Variants in CEBPZOS observed in about 807,000 individuals in gnomAD.
CEBPZOS encodes the protein CEBPZ opposite strand, also known as protein CEBPZOS.
Under a neutral mutation model 4.8 loss-of-function variants are expected in CEBPZOS, and 10 were observed. That is an observed-to-expected ratio of 2.07 (90% CI 1.28 to 3.52). The LOEUF (loss-of-function observed/expected upper bound fraction) is 3.52. Among genes scored for constraint, CEBPZOS ranks in the 30% most tolerant of loss-of-function variants. The pLI, the probability that CEBPZOS is intolerant of heterozygous loss-of-function variation, is 0.00. For synonymous variants in CEBPZOS, 25 were observed against 14.2 expected (o/e 1.77, Z -1.72); for missense variants, 98 against 43.6 (o/e 2.25, Z -3.51).
chr2:37,196,946 CGCGTAG>C (rs1553347187), intron 1 of CEBPZOS, among the ~76,000 whole-genome samples: 14 of 152,212 alleles, frequency 9.2e-5, no homozygotes, highest in Non-Finnish European at 1.8e-4. Flanking sequence ...TGCTTGAAAC[CGCGTAG>C]CCTGCAGACG....
downstream of CEBPZOS, among the ~76,000 whole-genome samples, chr2:37,206,875 C>T (rs1229116695): frequency 2.0e-5 from 3 of 152,080 alleles, no homozygotes; most frequent in Non-Finnish European, 4.4e-5. Context: ...TACATTTGGA[C>T]CACCAACCAA....
downstream of CEBPZOS, among the ~76,000 whole-genome samples, chr2:37,206,151 TGAG>T (rs1677532229): frequency 6.6e-6 from 1 of 152,160 alleles, no homozygotes; most frequent in South Asian, 2.1e-4. Context: ...TCTGCTGTGC[TGAG>T]GAGGAAAATG....
At position 37,201,729 on chromosome 2, in the gene CEBPZOS, AAGT is replaced by A; in HGVS notation, c.*2+6_*2+8del. 1 of 1,203,052 alleles carries A rather than the reference AAGT, an allele frequency of 8.3e-7. No individual in the cohort carries two copies. The highest frequency in any genetic ancestry group is 1.3e-5 in the South Asian group (1 of 77,724). The allele number at this position is 1,203,052 out of a possible 1,614,324, so 74.5% of individuals were successfully genotyped here. A position where few individuals can be genotyped will look rare whatever the true frequency, so the allele number is the denominator to read the frequency against. On this transcript the variant is annotated splice_donor_5th_base_variant and intron_variant, in intron 4 of 4. Transcript: ENST00000402297. Reference sequence around the variant, plus strand: ...TGGTTGAACAGCAAAAATTAGATGTAAGTAGAATTTTAATCTATAATTTACATT... The same window carrying A: ...TGGTTGAACAGCAAAAATTAGATGTAAGAATTTTAATCTATAATTTACATT...
rs1677459324 is a variant in CEBPZOS at position 37,204,515 on chromosome 2, A to ATCTACCTGCCTTGGCC, written c.*2658_*2673dup. ...ATGGTCTTGATCTCTTGACCTTGTG[A>ATCTACCTGCCTTGGCC]TCTACCTGCCTTGGCCTCCCAAAGT... On this transcript the variant is annotated 3_prime_UTR_variant, in exon 5 of 5. Transcript: ENST00000402297. The ATCTACCTGCCTTGGCC allele has an allele frequency of 6.6e-6, 1 of 152,024 alleles. No individual in the cohort carries two copies. Among genetic ancestry groups the ATCTACCTGCCTTGGCC allele is most frequent in the Non-Finnish European group, 1.5e-5 (1 of 68,034 alleles). 9.4% of individuals were successfully genotyped at this position (152,024 alleles called of 1,614,324 possible).
chr2:37,200,174 G>C (rs1677148650), intron 2 of CEBPZOS, among the ~76,000 whole-genome samples: 1 of 152,156 alleles, frequency 6.6e-6, no homozygotes, highest in Non-Finnish European at 1.5e-5. Context: ...AAAGTAACTG[G>C]TATTGCTGTT....
chr2:37,201,453 TTAGA>T, intron 3 of CEBPZOS, 185 bp from the exon 4 acceptor site: 1 of 548,786 alleles, frequency 1.8e-6, no homozygotes, highest in Non-Finnish European at 3.3e-6. Context: ...CATCATGTAG[TTAGA>T]CGAAATAGTG....
intron 4 of CEBPZOS, chr2:37,210,889 C>T (rs909082873): frequency 1.8e-5 from 10 of 567,870 alleles, no homozygotes; most frequent in Admixed American, 3.9e-5. Context: ...AAGAACCCCC[C>T]CCACCCCTGA....
downstream of CEBPZOS, among the ~76,000 whole-genome samples, chr2:37,207,772 A>C (rs1324626277): frequency 6.6e-6 from 1 of 152,202 alleles, no homozygotes; most frequent in Non-Finnish European, 1.5e-5. Flanking sequence ...ATCAAACTCA[A>C]ACCCAGCAGA....
chr2:37,212,017 C>T (rs1249092752), intron 4 of CEBPZOS: 1 of 1,582,910 alleles, frequency 6.3e-7, no homozygotes, highest in African/African-American at 1.4e-5. Context: ...TCCTTAGCTC[C>T]TTTTGTTCTC....
chr2:37,205,856 T>A (rs1369346593), downstream of CEBPZOS, among the ~76,000 whole-genome samples: 1 of 152,122 alleles, frequency 6.6e-6, no homozygotes, highest in Non-Finnish European at 1.5e-5. Flanking sequence ...ATAATACTTT[T>A]AAAAATGTTA....
chr2:37,201,229 ATCTAT>A, intron 3 of CEBPZOS, 137 bp downstream of exon 3: 2 of 611,204 alleles, frequency 3.3e-6, no homozygotes, highest in Non-Finnish European at 5.9e-6. Context: ...CTAAATTCTC[ATCTAT>A]TCTAGTGAGA....
In CEBPZOS at chr2:37,202,785, T is replaced by C; in HGVS notation, c.*925T>C. On this transcript the variant is annotated 3_prime_UTR_variant, in exon 5 of 5. Transcript: ENST00000402297. ...AATAAAAAAATTTAAGTTACTTACT[T>C]GCATTATCTTTGTTAGCCATGGCAT... The C allele has an allele frequency of 6.4e-7, 1 of 1,551,892 alleles. No homozygotes were observed. Among genetic ancestry groups the C allele is most frequent in the Non-Finnish European group, 8.7e-7 (1 of 1,147,978 alleles).
downstream of CEBPZOS, chr2:37,216,148 T>C (rs752301019): frequency 1.5e-5 from 24 of 1,610,346 alleles, no homozygotes; most frequent in Non-Finnish European, 1.9e-5. Context: ...ACCAGGAAGA[T>C]GACGAATATC....
intron 4 of CEBPZOS, chr2:37,210,934 C>T: frequency 8.2e-7 from 1 of 1,214,436 alleles, no homozygotes; most frequent in East Asian, 2.5e-5. Flanking sequence ...GTTCATTTCC[C>T]AAAATGATAA....
downstream of CEBPZOS, chr2:37,216,011 G>GA (rs1677858245): frequency 1.5e-6 from 1 of 661,958 alleles, no homozygotes; most frequent in African/African-American, 1.9e-5. Context: ...CTATTCTTGG[G>GA]AAAAAAGATG....
rs2148335497 is a variant in CEBPZOS, at chr2:37,204,356, C to T, written c.*2496C>T. 1 of 141,052 alleles carries T rather than the reference C, an allele frequency of 7.1e-6. No homozygotes were observed. The highest frequency in any genetic ancestry group is 1.6e-5 in the Non-Finnish European group (1 of 64,024). The allele number at this position is 141,052 out of a possible 1,614,324, so 8.7% of individuals were successfully genotyped here. ...ACAGGGGCGTGATCTCGGCTCACTG[C>T]AACCTCTGCCTTCTGGGTTCAAGCG... is the stretch of plus-strand genomic sequence containing the variant. On this transcript the variant is annotated 3_prime_UTR_variant, in exon 5 of 5. Coordinates refer to ENST00000402297, the MANE Select transcript of CEBPZOS (RefSeq NM_001322374.2).
At chr2:37,205,553 G>T (rs1677507985), downstream of CEBPZOS, among the ~76,000 whole-genome samples, 1 of 152,098 alleles carries the variant, frequency 6.6e-6, no homozygotes, top group Admixed American at 6.5e-5. Flanking sequence ...TTCGGACTCA[G>T]CCCGCCTGCA....
chr2:37,201,469 T>C, intron 3 of CEBPZOS, 173 bp from the exon 4 acceptor site: 1 of 567,490 alleles, frequency 1.8e-6, no homozygotes. Flanking sequence ...GAAATAGTGC[T>C]CATTACAATG....
rs1677308255 is a variant in CEBPZOS at position 37,202,593 on chromosome 2, C to T, written c.*733C>T. 7.5e-6 allele frequency: 3 copies of T among 401,064 alleles called. No individual in the cohort carries two copies. The highest frequency in any genetic ancestry group is 2.6e-5 in the African/African-American group (1 of 39,150). 24.8% of individuals were successfully genotyped at this position (401,064 alleles called of 1,614,324 possible). ...ATGGGAGATGGAGGTTGCAGTGAGC[C>T]AAGATCATGCCACTGCATTCCAACC... On this transcript the variant is annotated 3_prime_UTR_variant, in exon 5 of 5. Transcript: ENST00000402297.
Sources: gnomAD v4.1 joint callset for allele counts (sites outside exome capture counted in the v4.1 genomes callset) on GRCh38, gnomAD v4.1.1 for gene constraint, MANE v1.5 for transcripts, NCBI Gene and HGNC (gene_info 2026-07-23, HGNC 2026-07-21) for gene names.